KCNT2: variants seen among roughly 807,000 people sequenced by gnomAD.
The protein encoded by KCNT2 is potassium channel subfamily T member 2.
A neutral mutation model predicts 153.8 loss-of-function variants in KCNT2; 67 were observed. That is an observed-to-expected ratio of 0.44 (90% CI 0.36 to 0.53). The LOEUF (loss-of-function observed/expected upper bound fraction) is 0.53. KCNT2 is among the 20% of genes least tolerant of loss of function. KCNT2 has a pLI of 0.00. For missense variants in KCNT2, 975 were observed against 1,354.8 expected (o/e 0.72, Z 4.40); for synonymous variants, 500 against 458.8 (o/e 1.09, Z -1.15).
intron 1 of KCNT2, among the ~76,000 whole-genome samples, chr1:196,606,807 C>A (rs1160204144): frequency 6.6e-6 from 1 of 152,092 alleles, no homozygotes; most frequent in East Asian, 1.9e-4. Flanking sequence ...ACTAGGAACA[C>A]CATGCTACAC....
intron 22 of KCNT2, among the ~76,000 whole-genome samples, chr1:196,296,939 A>G (rs919831480): frequency 1.3e-5 from 2 of 152,068 alleles, no homozygotes; most frequent in African/African-American, 4.8e-5. Flanking sequence ...TAAGCAAGAA[A>G]AAAATCATTG....
At chr1:196,235,635 C>T (rs1056585802) in intron 27 of KCNT2, among the ~76,000 whole-genome samples, 4 of 151,258 alleles carry the variant, frequency 2.6e-5, no homozygotes, top group African/African-American at 7.3e-5. Flanking sequence ...CACAGTTTGG[C>T]TTTTGGGAAG....
chr1:196,495,591 A>G lies in KCNT2; in HGVS notation c.96-3250T>C, dbSNP rs1036870035. Among the ~76,000 whole-genome samples the G allele has an allele frequency of 4.6e-5, 7 of 151,164 alleles. 1 individual carries two copies. Among genetic ancestry groups the G allele is most frequent in the Admixed American group, 4.6e-4 (7 of 15,170 alleles). On this transcript the variant is annotated intron_variant, in intron 1 of 27. Coordinates refer to ENST00000294725, the MANE Select transcript of KCNT2 (RefSeq NM_198503.5). ...TCTAACTTTATCTGAATTTACTTAC[A>G]TCTAGTAGACTATGTTAGTGTAATC...
At chr1:196,472,203 C>A (rs1046459992) in intron 5 of KCNT2, among the ~76,000 whole-genome samples, 1 of 151,900 alleles carries the variant, frequency 6.6e-6, no homozygotes, top group African/African-American at 2.4e-5. Context: ...AATGATACTC[C>A]CAGCTATTTC....
intron 1 of KCNT2, among the ~76,000 whole-genome samples, chr1:196,563,622 T>C (rs1312688317): frequency 6.6e-6 from 1 of 151,798 alleles, no homozygotes; most frequent in Non-Finnish European, 1.5e-5. Context: ...CTCAACAAAA[T>C]ACTAGCAAGC....
Position 196,305,205 on chromosome 1 carries a change from CTAATTTACTTGA to C in KCNT2, c.2595+17_2595+28del. On this transcript the variant is annotated intron_variant, in intron 22 of 27. Coordinates refer to ENST00000294725, the MANE Select transcript of KCNT2 (RefSeq NM_198503.5). The stretch of plus-strand genomic sequence containing the variant: ...AATTTCTGAATAAAGATGGTTAAAT[CTAATTTACTTGA>C]TAATGTGGGGTCTTACCTTTTCCAG... 1 of 1,243,096 alleles carries C rather than the reference CTAATTTACTTGA, an allele frequency of 8.0e-7. No homozygotes were observed. Among genetic ancestry groups the C allele is most frequent in the Non-Finnish European group, 1.2e-6 (1 of 842,862 alleles). The allele number at this position is 1,243,096 out of a possible 1,614,324, so 77.0% of individuals were successfully genotyped here.
At chr1:196,494,149 G>T (rs1324409405) in intron 1 of KCNT2, among the ~76,000 whole-genome samples, 3 of 152,166 alleles carry the variant, frequency 2.0e-5, no homozygotes, top group African/African-American at 7.2e-5. Flanking sequence ...ATTATTGGAC[G>T]TGTTTCCCTT....
intron 21 of KCNT2, among the ~76,000 whole-genome samples, chr1:196,306,183 T>G (rs1558125216): frequency 6.6e-6 from 1 of 152,152 alleles, no homozygotes; most frequent in Non-Finnish European, 1.5e-5. Context: ...ACTTCTGTGA[T>G]AATCACCTTT....
At chr1:196,396,313 T>C (rs1407795500) in intron 13 of KCNT2, among the ~76,000 whole-genome samples, 6 of 151,634 alleles carry the variant, frequency 4.0e-5, no homozygotes, top group African/African-American at 1.5e-4. Context: ...ATTATATTGG[T>C]CAAAGCAAAT....
chr1:196,422,344 C>G (rs1673285506), intron 12 of KCNT2, among the ~76,000 whole-genome samples: 1 of 151,794 alleles, frequency 6.6e-6, no homozygotes, highest in Non-Finnish European at 1.5e-5. Context: ...TCTCATTTGT[C>G]CACACATTGC....
chr1:196,289,912 C>T (rs1660028600), intron 22 of KCNT2, among the ~76,000 whole-genome samples: 1 of 152,058 alleles, frequency 6.6e-6, no homozygotes, highest in South Asian at 2.1e-4. Context: ...ATTTCAGACA[C>T]TTTTAAATGT....
At chr1:196,451,156 A>G (rs575616412) in intron 8 of KCNT2, among the ~76,000 whole-genome samples, 1 of 148,450 alleles carries the variant, frequency 6.7e-6, no homozygotes, top group South Asian at 2.1e-4. Flanking sequence ...ATTCAAAATT[A>G]CGCTTACTGA....
intron 26 of KCNT2, among the ~76,000 whole-genome samples, chr1:196,241,658 T>C (rs1309088110): frequency 6.6e-6 from 1 of 152,092 alleles, no homozygotes; most frequent in African/African-American, 2.4e-5. Flanking sequence ...ATATTCAGTG[T>C]ATTCAACATC....
chr1:196,444,640 G>T (rs1209874723), intron 8 of KCNT2, among the ~76,000 whole-genome samples: 1 of 151,330 alleles, frequency 6.6e-6, no homozygotes, highest in Non-Finnish European at 1.5e-5. Context: ...TTCGAGTAGG[G>T]CAAATGTGAA....
chr1:196,508,314 T>C (rs1242152971), intron 1 of KCNT2, among the ~76,000 whole-genome samples: 2 of 146,828 alleles, frequency 1.4e-5, no homozygotes, highest in African/African-American at 5.0e-5. Context: ...TATGAAAAAA[T>C]AATGGTTAAT....
chr1:196,574,734 A>T (rs1313242487), intron 1 of KCNT2, among the ~76,000 whole-genome samples: 1 of 152,084 alleles, frequency 6.6e-6, no homozygotes. Context: ...CTTTGGAGCT[A>T]TTATAGATAA....
intron 1 of KCNT2, among the ~76,000 whole-genome samples, chr1:196,596,355 A>G (rs1664083119): frequency 6.6e-6 from 1 of 152,060 alleles, no homozygotes; most frequent in South Asian, 2.1e-4. Flanking sequence ...CAGCAATGTA[A>G]ATGTGTTCCC....
chr1:196,565,439 C>T (rs560515663), intron 1 of KCNT2, among the ~76,000 whole-genome samples: 1 of 151,716 alleles, frequency 6.6e-6, no homozygotes, highest in Admixed American at 6.6e-5. Flanking sequence ...GCTGGGTATA[C>T]ATCCAAAGGA....
chr1:196,436,694 T>C (rs991963655), intron 8 of KCNT2, among the ~76,000 whole-genome samples: 1 of 151,170 alleles, frequency 6.6e-6, no homozygotes, highest in African/African-American at 2.4e-5. Flanking sequence ...GAGTTCTTAT[T>C]TTGTGTCTGT....
Sources: gnomAD v4.1 joint callset for allele counts (sites outside exome capture counted in the v4.1 genomes callset) on GRCh38, gnomAD v4.1.1 for gene constraint, MANE v1.5 for transcripts, NCBI Gene and HGNC (gene_info 2026-07-23, HGNC 2026-07-21) for gene names.